WWTR1: variants seen among roughly 807,000 people sequenced by gnomAD.
The protein encoded by WWTR1 is WW domain-containing transcription regulator protein 1.
A neutral mutation model predicts 40.1 loss-of-function variants in WWTR1; 13 were observed. The observed-to-expected ratio is 0.32, with a 90% confidence interval of 0.21 to 0.52. The LOEUF is 0.52. Ranked by LOEUF, WWTR1 falls within the 20% of genes least tolerant of loss-of-function variation. WWTR1 has a pLI of 0.97. For missense variants in WWTR1, 436 were observed against 523.1 expected, an observed-to-expected ratio of 0.83 and a Z score of 1.63; for synonymous variants, 230 against 210.1, an observed-to-expected ratio of 1.09 and a Z score of -0.82.
intron 1 of WWTR1, among the ~76,000 whole-genome samples, chr3:149,690,589 T>C (rs1327997317): frequency 6.6e-6 from 1 of 152,090 alleles, no homozygotes; most frequent in Admixed American, 6.5e-5. Flanking sequence ...ATACATGCAC[T>C]CAACAATGGA....
intron 4 of WWTR1, among the ~76,000 whole-genome samples, chr3:149,718,992 AT>A (rs1715679596): frequency 6.6e-6 from 1 of 150,782 alleles, no homozygotes; most frequent in Non-Finnish European, 1.5e-5. Context: ...CGCCTGGCTA[AT>A]TTTTGTATTT....
At chr3:149,645,753 T>C (rs1475102823) in intron 2 of WWTR1, among the ~76,000 whole-genome samples, 1 of 152,146 alleles carries the variant, frequency 6.6e-6, no homozygotes, top group Admixed American at 6.5e-5. Flanking sequence ...GAGAAAGATA[T>C]TCAGTATTTT....
chr3:149,640,010 A>G (rs547178448), intron 2 of WWTR1, among the ~76,000 whole-genome samples: 50 of 140,392 alleles, frequency 3.6e-4, no homozygotes, highest in African/African-American at 9.0e-4. Flanking sequence ...AAAAAAAAAA[A>G]AAAGAAAGAA....
At chr3:149,582,942 C>T (rs949505349) in intron 2 of WWTR1, among the ~76,000 whole-genome samples, 1 of 152,000 alleles carries the variant, frequency 6.6e-6, no homozygotes, top group Non-Finnish European at 1.5e-5. Context: ...AAAGATGAGA[C>T]GCTTTATGAA....
intron 1 of WWTR1, among the ~76,000 whole-genome samples, chr3:149,686,880 C>T (rs984064164): frequency 6.6e-6 from 1 of 152,166 alleles, no homozygotes; most frequent in African/African-American, 2.4e-5. Flanking sequence ...CTGAGTACAT[C>T]TGTTGCACAT....
At chr3:149,618,215 A>G (rs371536221) in intron 2 of WWTR1, among the ~76,000 whole-genome samples, 1 of 151,990 alleles carries the variant, frequency 6.6e-6, no homozygotes, top group African/African-American at 2.4e-5. Flanking sequence ...GAAGGACTGA[A>G]GAACAGTACG....
At chr3:149,586,329 A>G (rs1161362677) in intron 2 of WWTR1, among the ~76,000 whole-genome samples, 1 of 152,122 alleles carries the variant, frequency 6.6e-6, no homozygotes, top group Non-Finnish European at 1.5e-5. Context: ...CCTCAGTGAT[A>G]GTAATCCTTT....
At chr3:149,530,071 C>G (rs981040810) in intron 4 of WWTR1, among the ~76,000 whole-genome samples, 1 of 151,964 alleles carries the variant, frequency 6.6e-6, no homozygotes, top group African/African-American at 2.4e-5. Context: ...AAGTTGAGGC[C>G]GGGCGGTGGC....
chr3:149,600,169 G>A (rs1037211017), intron 2 of WWTR1, among the ~76,000 whole-genome samples: 2 of 151,816 alleles, frequency 1.3e-5, no homozygotes, highest in Non-Finnish European at 2.9e-5. Context: ...CAGGGTCCTG[G>A]AACCAATCCT....
chr3:149,597,432 C>CAAAA (rs1253950023), intron 2 of WWTR1, among the ~76,000 whole-genome samples: 1 of 51,808 alleles, frequency 1.9e-5, no homozygotes, highest in African/African-American at 4.6e-5. Flanking sequence ...CCCAGCTCTA[C>CAAAA]AAAAAAAAAA....
chr3:149,646,603 G>T (rs2108138890), intron 2 of WWTR1, among the ~76,000 whole-genome samples: 1 of 152,250 alleles, frequency 6.6e-6, no homozygotes, highest in South Asian at 2.1e-4. Context: ...CTTATTGGTT[G>T]GGCATCCACT....
At chr3:149,525,678 G>A (rs142308999) in intron 6 of WWTR1, 1 of 158,502 alleles carries the variant, frequency 6.3e-6, no homozygotes, top group Admixed American at 6.5e-5. Context: ...GATTAGCATG[G>A]CCCCTGCATG....
chr3:149,721,052 T>C (rs1715747472), intron 4 of WWTR1, among the ~76,000 whole-genome samples: 1 of 152,220 alleles, frequency 6.6e-6, no homozygotes, highest in South Asian at 2.1e-4. Context: ...GATCATGTCA[T>C]CTGCAAACAG....
At chr3:149,706,993 T>A (rs1236368997), upstream of WWTR1, among the ~76,000 whole-genome samples, 1 of 152,128 alleles carries the variant, frequency 6.6e-6, no homozygotes, top group African/African-American at 2.4e-5. Context: ...CCAACCCCAA[T>A]ACTGAATTTT....
At chr3:149,571,046 C>G (rs1206424119) in intron 3 of WWTR1, among the ~76,000 whole-genome samples, 1 of 151,906 alleles carries the variant, frequency 6.6e-6, no homozygotes, top group African/African-American at 2.4e-5. Flanking sequence ...TATGTATGGA[C>G]AGGCAGGTGA....
chr3:149,715,638 T>A (rs971570626), intron 5 of WWTR1, among the ~76,000 whole-genome samples: 1 of 152,062 alleles, frequency 6.6e-6, no homozygotes, highest in Non-Finnish European at 1.5e-5. Flanking sequence ...CTGAGAAAAC[T>A]TGGGCAAAGG....
intron 1 of WWTR1, chr3:149,701,536 G>A (rs1009477274): frequency 1.1e-5 from 2 of 181,232 alleles, no homozygotes; most frequent in African/African-American, 4.7e-5. Context: ...GGCAGTGTCT[G>A]GTCTGTTTTC....
chr3:149,680,185 T>C (rs1287796551), intron 1 of WWTR1, among the ~76,000 whole-genome samples: 1 of 152,186 alleles, frequency 6.6e-6, no homozygotes, highest in African/African-American at 2.4e-5. Context: ...TTCTGGCAAA[T>C]CAAGATGTAT....
intron 3 of WWTR1, among the ~76,000 whole-genome samples, chr3:149,565,081 G>A (rs1249610468): frequency 2.0e-5 from 3 of 152,098 alleles, no homozygotes; most frequent in East Asian, 1.9e-4. Flanking sequence ...CCAGATACTC[G>A]GGGGCTGAGC....
Sources: gnomAD v4.1 joint callset for allele counts (sites outside exome capture counted in the v4.1 genomes callset) on GRCh38, gnomAD v4.1.1 for gene constraint, MANE v1.5 for transcripts, NCBI Gene and HGNC (gene_info 2026-07-23, HGNC 2026-07-21) for gene names.